Variants in MARCHF10 observed in about 807,000 individuals in gnomAD.
MARCHF10 encodes membrane associated ring-CH-type finger 10, also known as probable E3 ubiquitin-protein ligase MARCHF10.
In MARCHF10, 64 loss-of-function variants were observed where a neutral mutation model predicts 76.2. That is an observed-to-expected ratio of 0.84 (90% CI 0.69 to 1.03). The LOEUF is 1.03. Ranked by LOEUF, MARCHF10 falls within the 50% of genes least tolerant of loss-of-function variation. The pLI, the probability that MARCHF10 is intolerant of heterozygous loss-of-function variation, is 0.00. For synonymous variants in MARCHF10, 340 were observed against 357.5 expected (o/e 0.95, Z 0.55); for missense variants, 875 against 958.0 (o/e 0.91, Z 1.14).
chr17:62,701,894 G>C (rs1317979182), intron 10 of MARCHF10, 136 bp from the exon 11 acceptor site: 5 of 1,148,758 alleles, frequency 4.4e-6, no homozygotes, highest in Non-Finnish European at 6.4e-6. Flanking sequence ...ACAGTGCCTG[G>C]AACCGTGTGG....
intron 2 of MARCHF10, among the ~76,000 whole-genome samples, chr17:62,799,186 C>T (rs1044336472): frequency 1.3e-5 from 2 of 152,112 alleles, no homozygotes; most frequent in East Asian, 1.9e-4. Context: ...TCCCTCACTC[C>T]GCCTCTCCAT....
rs866611371 is a variant in MARCHF10, at chr17:62,730,006, G to T, written c.1938-4902C>A. Among the ~76,000 whole-genome samples the T allele has an allele frequency of 9.5e-4, 145 of 152,220 alleles. 1 individual carries two copies. Among genetic ancestry groups the T allele is most frequent in the African/African-American group, 3.0e-3 (123 of 41,540 alleles). Reference sequence around the variant, plus strand: ...AGACCAGCCTGACCAACATGGTGAAGCCCCGTCTCTACTAAAAATGCAAAA... The same window carrying T: ...AGACCAGCCTGACCAACATGGTGAATCCCCGTCTCTACTAAAAATGCAAAA... On this transcript the variant is annotated intron_variant, in intron 6 of 10. Transcript: ENST00000311269.
chr17:62,756,213 A>G (rs1019940105), intron 4 of MARCHF10, among the ~76,000 whole-genome samples: 15 of 152,196 alleles, frequency 9.9e-5, no homozygotes, highest in Non-Finnish European at 2.2e-4. Context: ...GCGCCATTGC[A>G]CTTCAGCCTG....
chr17:62,720,724 C>T (rs1188211552), intron 8 of MARCHF10, among the ~76,000 whole-genome samples: 1 of 152,164 alleles, frequency 6.6e-6, no homozygotes, highest in African/African-American at 2.4e-5. Context: ...ATGACAGGGT[C>T]CCCCTGGAAT....
At chr17:62,716,239 C>T (rs914305360) in intron 8 of MARCHF10, among the ~76,000 whole-genome samples, 4 of 152,070 alleles carry the variant, frequency 2.6e-5, no homozygotes, top group East Asian at 3.8e-4. Context: ...GTCTTGGGTA[C>T]GGCAGCATTT....
At chr17:62,747,013 A>G (rs1333992748) in intron 4 of MARCHF10, 3 of 1,474,094 alleles carry the variant, frequency 2.0e-6, no homozygotes, top group Non-Finnish European at 2.7e-6. Context: ...GCGTTTTTAA[A>G]AAATGGCCTT....
chr17:62,701,590 G>T lies in MARCHF10; in HGVS notation c.*113C>A. ...TGGCACGAGGTGAAAATCTAACTGT[G>T]AACGCTTTGGTTTCAGTTTCAGTAA... On this transcript the variant is annotated 3_prime_UTR_variant, in exon 11 of 11. Coordinates refer to ENST00000311269, the MANE Select transcript of MARCHF10 (RefSeq NM_152598.4). The T allele has an allele frequency of 6.3e-7, 1 of 1,595,494 alleles. No individual in the cohort carries two copies.
At chr17:62,807,892 T>C (rs1040720078) in intron 1 of MARCHF10, among the ~76,000 whole-genome samples, 185 bp downstream of exon 1, 7 of 152,150 alleles carry the variant, frequency 4.6e-5, no homozygotes, top group Non-Finnish European at 1.0e-4. Flanking sequence ...AGGTTCACGG[T>C]CTCCCCCAAA....
intron 3 of MARCHF10, among the ~76,000 whole-genome samples, chr17:62,780,487 T>C (rs1172246337): frequency 6.6e-6 from 1 of 152,192 alleles, no homozygotes. Context: ...TTCATTGATG[T>C]GAACAGCACA....
chr17:62,808,290 T>G lies in MARCHF10; in HGVS notation c.-231A>C, dbSNP rs1465396579. On this transcript the variant is annotated 5_prime_UTR_variant, in exon 1 of 11. Coordinates refer to ENST00000311269, the MANE Select transcript of MARCHF10 (RefSeq NM_152598.4). The stretch of plus-strand genomic sequence containing the variant: ...TTCCGCGGCGCCGGCCGGCCTTGCC[T>G]GGGGCGGAGGCGGTGGGGGCGGCTA... 2.6e-5 allele frequency: 4 copies of G among 152,374 alleles called. No homozygotes were observed. Among genetic ancestry groups the G allele is most frequent in the Non-Finnish European group, 4.4e-5 (3 of 68,180 alleles). 9.4% of individuals were successfully genotyped at this position (152,374 alleles called of 1,614,324 possible).
At chr17:62,757,151 T>G (rs867362171) in intron 4 of MARCHF10, among the ~76,000 whole-genome samples, 1 of 152,120 alleles carries the variant, frequency 6.6e-6, no homozygotes, top group African/African-American at 2.4e-5. Flanking sequence ...TCAGTAAAAG[T>G]CTGGTATAAC....
chr17:62,705,680 TACACC>T (rs2089543624), intron 9 of MARCHF10, 99 bp from the exon 10 acceptor site: 15 of 1,436,644 alleles, frequency 1.0e-5, no homozygotes, highest in Non-Finnish European at 1.9e-6. Context: ...AGGAATCCCT[TACACC>T]ACTTTAAAGG....
intron 4 of MARCHF10, among the ~76,000 whole-genome samples, chr17:62,758,103 T>C (rs2092097465): frequency 6.6e-6 from 1 of 152,192 alleles, no homozygotes; most frequent in African/African-American, 2.4e-5. Flanking sequence ...AGTTGCATTA[T>C]TTAAACTTAA....
chr17:62,734,256 A>C (rs1489496042), intron 6 of MARCHF10, among the ~76,000 whole-genome samples: 1 of 152,132 alleles, frequency 6.6e-6, no homozygotes, highest in Non-Finnish European at 1.5e-5. Context: ...CAACACAACG[A>C]AATGCAAAAG....
chr17:62,779,181 T>A (rs1238568448), intron 3 of MARCHF10, among the ~76,000 whole-genome samples: 1 of 152,008 alleles, frequency 6.6e-6, no homozygotes, highest in South Asian at 2.1e-4. Context: ...CGCCAGGTGT[T>A]AAGGGTGACT....
chr17:62,753,962 C>G (rs372590169), intron 4 of MARCHF10, among the ~76,000 whole-genome samples: 1 of 152,276 alleles, frequency 6.6e-6, no homozygotes, highest in African/African-American at 2.4e-5. Flanking sequence ...CACCCTGGGA[C>G]GTGGGGGACA....
At chr17:62,726,504 A>G (rs912447779) in intron 6 of MARCHF10, among the ~76,000 whole-genome samples, 1 of 152,260 alleles carries the variant, frequency 6.6e-6, no homozygotes, top group Non-Finnish European at 1.5e-5. Flanking sequence ...CATAATTTCC[A>G]TATTTTCGTA....
chr17:62,785,611 T>G (rs1450650562), intron 3 of MARCHF10, among the ~76,000 whole-genome samples: 1 of 152,074 alleles, frequency 6.6e-6, no homozygotes, highest in African/African-American at 2.4e-5. Context: ...GGGAGAAAAT[T>G]TTTGCAATCT....
intron 2 of MARCHF10, among the ~76,000 whole-genome samples, chr17:62,794,584 C>A (rs1015214962): frequency 2.6e-5 from 4 of 152,206 alleles, no homozygotes; most frequent in African/African-American, 9.7e-5. Context: ...GACATTACAG[C>A]TCTCTGAGTC....
Sources: gnomAD v4.1 joint callset for allele counts (sites outside exome capture counted in the v4.1 genomes callset) on GRCh38, gnomAD v4.1.1 for gene constraint, MANE v1.5 for transcripts, NCBI Gene and HGNC (gene_info 2026-07-23, HGNC 2026-07-21) for gene names.